The following FNDC3A variants were observed in gnomAD, a reference collection of about 807,000 sequenced individuals.
The protein encoded by FNDC3A is fibronectin type III domain containing 3A.
Under a neutral mutation model 148.9 loss-of-function variants are expected in FNDC3A, and 32 were observed. That is an observed-to-expected ratio of 0.21 (90% CI 0.16 to 0.29). The LOEUF is 0.29. Ranked by LOEUF, FNDC3A falls within the 10% of genes least tolerant of loss-of-function variation. The pLI, the probability that FNDC3A is intolerant of heterozygous loss-of-function variation, is 1.00. For missense variants in FNDC3A, 1,191 were observed against 1,452.8 expected (o/e 0.82, Z 2.93); for synonymous variants, 472 against 473.6 (o/e 1.00, Z 0.04).
intron 2 of FNDC3A, among the ~76,000 whole-genome samples, chr13:49,059,893 G>A (rs1876539239): frequency 6.6e-6 from 1 of 152,198 alleles, no homozygotes; most frequent in African/African-American, 2.4e-5. Context: ...AGAAGATGGA[G>A]TGGCCAGCAA....
At chr13:49,096,781 C>T (rs1178191928) in intron 3 of FNDC3A, among the ~76,000 whole-genome samples, 1 of 152,098 alleles carries the variant, frequency 6.6e-6, no homozygotes, top group Admixed American at 6.6e-5. Context: ...CAAAGAAGGC[C>T]ATGCTAAGTG....
intron 8 of FNDC3A, among the ~76,000 whole-genome samples, chr13:49,165,582 C>T (rs549112760): frequency 6.6e-6 from 1 of 152,114 alleles, no homozygotes; most frequent in East Asian, 1.9e-4. Context: ...GCCTACCTGT[C>T]CTTGGGCCCC....
At chr13:49,170,168 A>G (rs2096412036) in intron 10 of FNDC3A, among the ~76,000 whole-genome samples, 1 of 152,286 alleles carries the variant, frequency 6.6e-6, no homozygotes, top group Admixed American at 6.5e-5. Context: ...CTATATACAC[A>G]CACAGTAATC....
chr13:48,990,109 G>A (rs1227236956), intron 1 of FNDC3A, among the ~76,000 whole-genome samples: 2 of 151,986 alleles, frequency 1.3e-5, no homozygotes, highest in Non-Finnish European at 2.9e-5. Flanking sequence ...GGTGACATCA[G>A]ATCTGTCATT....
intron 3 of FNDC3A, among the ~76,000 whole-genome samples, chr13:49,088,347 T>C (rs551410286): frequency 1.3e-5 from 2 of 152,354 alleles, no homozygotes; most frequent in African/African-American, 4.8e-5. Context: ...ACTTGGAAAC[T>C]GACACCAAAG....
In FNDC3A at chr13:49,108,894, C is replaced by T. The variant is rs1880372381; in HGVS notation, c.176-5761C>T. On this transcript the variant is annotated intron_variant, in intron 3 of 25. Transcript: ENST00000492622. ...CCCCACTTGTAAGAATAGGCCCTTA[C>T]TGTCTTATCTCCTCTGGGGTGTCTT... 1.3e-5 allele frequency among the ~76,000 whole-genome samples: 2 copies of T among 152,222 alleles called. 1 individual carries two copies. The highest frequency in any genetic ancestry group is 4.1e-4 in the South Asian group (2 of 4,838).
intron 8 of FNDC3A, 28 bp downstream of exon 8, chr13:49,145,963 C>G: frequency 6.4e-7 from 1 of 1,555,418 alleles, no homozygotes; most frequent in East Asian, 2.3e-5. Flanking sequence ...TGCTTTCTCC[C>G]ATTGTGTAAA....
At chr13:49,121,555 A>G (rs942964973) in intron 4 of FNDC3A, among the ~76,000 whole-genome samples, 8 of 152,190 alleles carry the variant, frequency 5.3e-5, no homozygotes, top group African/African-American at 1.9e-4. Context: ...CAATCAGTTC[A>G]GGAGCTGGTT....
At position 49,038,874 on chromosome 13, in the gene FNDC3A, C is replaced by T. The variant is rs550141929; in HGVS notation, c.99+32585C>T. On this transcript the variant is annotated intron_variant, in intron 2 of 25. Coordinates refer to ENST00000492622, the MANE Select transcript of FNDC3A (RefSeq NM_001079673.2). ...ATAAACATTTTTCTTTAATTTTTTT[C>T]TGTAATTTGGTTTTGTAGATTTTTT... is the stretch of plus-strand genomic sequence containing the variant. Among the ~76,000 whole-genome samples the T allele has an allele frequency of 1.5e-4, 23 of 152,028 alleles. No homozygotes were observed. The South Asian group carries it at 3.9e-3, about 26-fold the overall frequency.
intron 11 of FNDC3A, 23 bp downstream of exon 11, chr13:49,172,119 A>G: frequency 6.8e-7 from 1 of 1,460,910 alleles, no homozygotes; most frequent in Non-Finnish European, 9.6e-7. Context: ...AATCTTTTTA[A>G]ATGGTTAACA....
chr13:49,172,933 T>C (rs923840786), intron 11 of FNDC3A, among the ~76,000 whole-genome samples: 2 of 152,242 alleles, frequency 1.3e-5, no homozygotes, highest in African/African-American at 4.8e-5. Flanking sequence ...AGGTAGTTGC[T>C]GTTTTTGCCA....
Position 49,198,257 on chromosome 13 carries a change from A to T in FNDC3A, c.2766A>T (p.Thr922=), listed in dbSNP as rs1364610629. ...SYIINNLQPD[T]TYRIRIQALN... Reference sequence around the variant, plus strand: ...TTATCAACAATTTGCAACCAGATACAACATACAGGTATACTCTAAAAATTA... The same window carrying T: ...TTATCAACAATTTGCAACCAGATACTACATACAGGTATACTCTAAAAATTA... The change falls in exon 22 of 26, where the codon ACA becomes ACT. Residue 922 remains threonine (T), a synonymous_variant. Transcript: ENST00000492622. The T allele has an allele frequency of 6.2e-7, 1 of 1,613,698 alleles. No homozygotes were observed.
intron 2 of FNDC3A, among the ~76,000 whole-genome samples, chr13:49,057,478 T>C (rs61950730): frequency 0.14 from 21,976 of 152,106 alleles, 2,159 homozygotes; most frequent in Non-Finnish European, 0.21. Context: ...CTTGCTGCTC[T>C]AATTTTTCAT....
At chr13:49,187,454 T>A in intron 16 of FNDC3A, 1 of 1,353,778 alleles carries the variant, frequency 7.4e-7, no homozygotes, top group Admixed American at 1.7e-5. Context: ...TCTTCATATC[T>A]GTTAATGGAT....
intron 25 of FNDC3A, among the ~76,000 whole-genome samples, chr13:49,206,509 A>G (rs906360589): frequency 6.6e-5 from 10 of 152,244 alleles, no homozygotes; most frequent in Admixed American, 6.5e-4. Flanking sequence ...GTGGAATTTC[A>G]TTCTTTTTAT....
intron 1 of FNDC3A, among the ~76,000 whole-genome samples, chr13:49,005,432 ACAT>A (rs1208792032): frequency 2.0e-5 from 3 of 151,986 alleles, no homozygotes; most frequent in Non-Finnish European, 4.4e-5. Context: ...AATATTGCTT[ACAT>A]CATCTTTTAC....
intron 2 of FNDC3A, among the ~76,000 whole-genome samples, chr13:49,023,124 G>A (rs925364019): frequency 6.6e-6 from 1 of 152,026 alleles, no homozygotes; most frequent in Non-Finnish European, 1.5e-5. Context: ...TAAATTTTAA[G>A]ATAGTCTAAA....
chr13:49,089,140 T>C (rs912576889), intron 3 of FNDC3A, among the ~76,000 whole-genome samples: 8 of 152,200 alleles, frequency 5.3e-5, no homozygotes, highest in Non-Finnish European at 1.0e-4. Flanking sequence ...ACAATGTAAA[T>C]GTACCTAATA....
Position 49,146,803 on chromosome 13 carries a change from C to T in FNDC3A, c.977+868C>T, listed in dbSNP as rs1322810436. ...AAAGATTCAGTAGCTAAAGTTGTGA[C>T]ATTTATGATTGACAGTTTTGAAATA... On this transcript the variant is annotated intron_variant, in intron 8 of 25. Coordinates refer to ENST00000492622, the MANE Select transcript of FNDC3A (RefSeq NM_001079673.2). The T allele has an allele frequency of 5.3e-5, 8 of 152,204 alleles. No individual in the cohort carries two copies. The East Asian group carries it at 1.5e-3, about 29-fold the overall frequency. The allele number at this position is 152,204 out of a possible 1,614,324, so 9.4% of individuals were successfully genotyped here. A position where few individuals can be genotyped will look rare whatever the true frequency, so the allele number is the denominator to read the frequency against.
Sources: gnomAD v4.1 joint callset for allele counts (sites outside exome capture counted in the v4.1 genomes callset) on GRCh38, gnomAD v4.1.1 for gene constraint, MANE v1.5 for transcripts, NCBI Gene and HGNC (gene_info 2026-07-23, HGNC 2026-07-21) for gene names.